The following CAB39 variants were observed in gnomAD, a reference collection of about 807,000 sequenced individuals.
CAB39 encodes calcium binding protein 39.
In CAB39, 8 loss-of-function variants were observed where a neutral mutation model predicts 40.0. That is an observed-to-expected ratio of 0.20 (90% CI 0.12 to 0.36). CAB39 has a LOEUF of 0.36. CAB39 is among the 10% of genes least tolerant of loss of function. The probability of loss-of-function intolerance (pLI) is 1.00; values close to 1 mark genes in which losing one functional copy is unlikely to be tolerated. For synonymous variants in CAB39, 156 were observed against 141.6 expected (o/e 1.10, Z -0.72); for missense variants, 270 against 401.1 (o/e 0.67, Z 2.79).
chr2:230,772,979 C>CAAAAAAAA (rs1402536381), intron 2 of CAB39, among the ~76,000 whole-genome samples: 1 of 60,918 alleles, frequency 1.6e-5, no homozygotes, highest in Non-Finnish European at 2.8e-5. Context: ...TACTACTCAG[C>CAAAAAAAA]AATAAAAAAA....
chr2:230,726,990 T>A (rs1211501852), intron 1 of CAB39, among the ~76,000 whole-genome samples: 2 of 151,352 alleles, frequency 1.3e-5, no homozygotes, highest in African/African-American at 2.4e-5. Context: ...TGGAGGCTTT[T>A]GTTATCATTG....
At chr2:230,735,394 TGGC>T (rs941653588) in intron 1 of CAB39, among the ~76,000 whole-genome samples, 13 of 152,314 alleles carry the variant, frequency 8.5e-5, no homozygotes, top group Admixed American at 7.2e-4. Context: ...CTTGAACTCC[TGGC>T]CTCAAGTGAT....
At chr2:230,767,932 A>G (rs574308451) in intron 2 of CAB39, among the ~76,000 whole-genome samples, 44 of 152,032 alleles carry the variant, frequency 2.9e-4, no homozygotes, top group South Asian at 4.2e-4. Context: ...TTTTCACCCA[A>G]TCCTCTATTT....
At chr2:230,811,952 TG>T (rs2124982002) in intron 6 of CAB39, among the ~76,000 whole-genome samples, 1 of 152,316 alleles carries the variant, frequency 6.6e-6, no homozygotes, top group Non-Finnish European at 1.5e-5. Context: ...AGAACATATG[TG>T]AGGCAACAAA....
At chr2:230,717,284 G>T (rs73995132) in intron 1 of CAB39, among the ~76,000 whole-genome samples, 1 of 152,092 alleles carries the variant, frequency 6.6e-6, no homozygotes, top group Non-Finnish European at 1.5e-5. Flanking sequence ...ATGAAGTCAG[G>T]TAATCTAAAT....
chr2:230,788,896 T>G (rs552627380), intron 2 of CAB39, among the ~76,000 whole-genome samples: 1 of 152,322 alleles, frequency 6.6e-6, no homozygotes, highest in Admixed American at 6.5e-5. Context: ...TTCTCATGCT[T>G]GGGATTTTTC....
At chr2:230,758,976 T>G (rs1319664419) in intron 1 of CAB39, among the ~76,000 whole-genome samples, 2 of 152,240 alleles carry the variant, frequency 1.3e-5, no homozygotes, top group Admixed American at 6.5e-5. Flanking sequence ...TCATAGTGCC[T>G]TCTTGGAATA....
At chr2:230,736,246 C>T (rs1005092895) in intron 1 of CAB39, among the ~76,000 whole-genome samples, 3 of 152,268 alleles carry the variant, frequency 2.0e-5, no homozygotes, top group African/African-American at 7.2e-5. Context: ...CTAGATCTTA[C>T]AGTATTTAAC....
intron 4 of CAB39, among the ~76,000 whole-genome samples, chr2:230,795,389 ATTGT>A (rs1001934755): frequency 2.0e-5 from 3 of 152,006 alleles, no homozygotes; most frequent in African/African-American, 4.8e-5. Flanking sequence ...TGAAGCCTGG[ATTGT>A]TTGTTTTGTA....
intron 2 of CAB39, among the ~76,000 whole-genome samples, chr2:230,776,121 A>G (rs75871313): frequency 0.02 from 2,995 of 152,284 alleles, 89 homozygotes; most frequent in African/African-American, 0.068. Flanking sequence ...AGAGGTGGAG[A>G]TAAAGAGGAA....
intron 2 of CAB39, among the ~76,000 whole-genome samples, chr2:230,790,548 T>C (rs996549869): frequency 5.9e-5 from 9 of 152,216 alleles, no homozygotes; most frequent in Non-Finnish European, 4.4e-5. Context: ...AGTTGCCTCT[T>C]TGGTGATGTT....
intron 5 of CAB39, among the ~76,000 whole-genome samples, chr2:230,806,746 C>G (rs1696202373): frequency 3.9e-5 from 6 of 152,168 alleles, no homozygotes; most frequent in Admixed American, 3.9e-4. Flanking sequence ...GGAGAACTTT[C>G]TCACTGTAAG....
intron 2 of CAB39, among the ~76,000 whole-genome samples, chr2:230,782,990 T>C (rs1307378092): frequency 1.3e-5 from 2 of 151,262 alleles, no homozygotes; most frequent in Non-Finnish European, 2.9e-5. Flanking sequence ...TTTTTTGTTT[T>C]TGTTTTTGTT....
chr2:230,805,646 C>G (rs559139665), intron 5 of CAB39, among the ~76,000 whole-genome samples: 1 of 152,328 alleles, frequency 6.6e-6, no homozygotes, highest in South Asian at 2.1e-4. Context: ...CACACAGTGT[C>G]TATGCAGTAA....
At chr2:230,718,541 G>A (rs182557866) in intron 1 of CAB39, among the ~76,000 whole-genome samples, 21 of 152,304 alleles carry the variant, frequency 1.4e-4, no homozygotes, top group Non-Finnish European at 2.4e-4. Context: ...CCTCTGCTGT[G>A]GGCTCTATAA....
At chr2:230,803,758 C>T (rs1049668075) in intron 5 of CAB39, among the ~76,000 whole-genome samples, 1 of 152,124 alleles carries the variant, frequency 6.6e-6, no homozygotes, top group African/African-American at 2.4e-5. Context: ...GAAGAGGACA[C>T]AAACGGAAGA....
At chr2:230,764,824 C>G (rs890258922) in intron 2 of CAB39, among the ~76,000 whole-genome samples, 1 of 152,174 alleles carries the variant, frequency 6.6e-6, no homozygotes, top group African/African-American at 2.4e-5. Flanking sequence ...AATAATCACA[C>G]AAGGGCTTTT....
intron 1 of CAB39, among the ~76,000 whole-genome samples, chr2:230,718,208 T>C (rs1248432332): frequency 1.3e-5 from 2 of 152,240 alleles, no homozygotes. Context: ...TCACACACTT[T>C]ATTTGGTAAT....
intron 1 of CAB39, among the ~76,000 whole-genome samples, chr2:230,726,765 C>T (rs1213063343): frequency 6.6e-6 from 1 of 151,804 alleles, no homozygotes; most frequent in African/African-American, 2.4e-5. Context: ...GTCTTGTTCA[C>T]ATAGTGATTG....
Sources: gnomAD v4.1 joint callset for allele counts (sites outside exome capture counted in the v4.1 genomes callset) on GRCh38, gnomAD v4.1.1 for gene constraint, MANE v1.5 for transcripts, NCBI Gene and HGNC (gene_info 2026-07-23, HGNC 2026-07-21) for gene names.